Variants in APBB2 observed in about 807,000 individuals in gnomAD.
APBB2 encodes the protein amyloid beta precursor protein binding family B member 2.
A neutral mutation model predicts 82.5 loss-of-function variants in APBB2; 38 were observed. That is an observed-to-expected ratio of 0.46 (90% CI 0.36 to 0.60). The LOEUF (loss-of-function observed/expected upper bound fraction) is 0.60. APBB2 is among the 20% of genes least tolerant of loss of function. The pLI is 0.00. For synonymous variants in APBB2, 341 were observed against 368.2 expected (o/e 0.93, Z 0.85); for missense variants, 772 against 972.3 (o/e 0.79, Z 2.74).
At chr4:40,967,752 G>A (rs1228828104) in intron 6 of APBB2, among the ~76,000 whole-genome samples, 4 of 152,196 alleles carry the variant, frequency 2.6e-5, no homozygotes, top group Non-Finnish European at 1.5e-5. Context: ...TGGGTGGAAT[G>A]AGCCCAGCAG....
At chr4:41,054,678 G>GT (rs980721179) in intron 4 of APBB2, among the ~76,000 whole-genome samples, 1 of 151,978 alleles carries the variant, frequency 6.6e-6, no homozygotes, top group Admixed American at 6.5e-5. Context: ...ATATACCTTG[G>GT]TTCTTCTCTC....
chr4:40,897,821 TC>T (rs1774124256), intron 10 of APBB2, among the ~76,000 whole-genome samples: 2 of 152,086 alleles, frequency 1.3e-5, no homozygotes, highest in Non-Finnish European at 2.9e-5. Flanking sequence ...ACCACCACTT[TC>T]CCTTAAACCC....
At chr4:41,063,515 G>A (rs1271086474) in intron 4 of APBB2, among the ~76,000 whole-genome samples, 1 of 152,148 alleles carries the variant, frequency 6.6e-6, no homozygotes, top group Non-Finnish European at 1.5e-5. Flanking sequence ...GTGAAGAGCT[G>A]TTTACCCCAA....
At chr4:40,969,639 A>G (rs564672042) in intron 6 of APBB2, among the ~76,000 whole-genome samples, 1 of 152,350 alleles carries the variant, frequency 6.6e-6, no homozygotes, top group African/African-American at 2.4e-5. Context: ...ATCAGTGATT[A>G]AAAACCCAGT....
intron 2 of APBB2, among the ~76,000 whole-genome samples, chr4:41,122,941 C>T (rs1753294463): frequency 6.6e-6 from 1 of 152,194 alleles, no homozygotes; most frequent in South Asian, 2.1e-4. Flanking sequence ...ATTCTTCAAA[C>T]ACGCCGCACT....
intron 6 of APBB2, among the ~76,000 whole-genome samples, chr4:40,986,762 C>T (rs1311760141): frequency 3.9e-5 from 6 of 152,168 alleles, no homozygotes; most frequent in Non-Finnish European, 8.8e-5. Flanking sequence ...ACACAGCCCT[C>T]GTGAAAGCAC....
chr4:40,946,086 G>C (rs1788303130), intron 6 of APBB2, among the ~76,000 whole-genome samples: 1 of 152,138 alleles, frequency 6.6e-6, no homozygotes, highest in Non-Finnish European at 1.5e-5. Flanking sequence ...TGCAAAATTA[G>C]CTGGGCATGG....
intron 6 of APBB2, among the ~76,000 whole-genome samples, chr4:40,998,547 T>C (rs1012052161): frequency 3.3e-5 from 5 of 152,214 alleles, no homozygotes; most frequent in Admixed American, 6.5e-5. Context: ...TTTTAACCTA[T>C]GTATCTGTAT....
At chr4:40,980,463 C>T (rs866887403) in intron 6 of APBB2, among the ~76,000 whole-genome samples, 1 of 152,146 alleles carries the variant, frequency 6.6e-6, no homozygotes, top group Non-Finnish European at 1.5e-5. Context: ...AGTAGCCAAC[C>T]CACTATGGGC....
rs1193526600 is a variant in APBB2, at chr4:41,065,621, T to C, written c.-96A>G. 1 of 151,696 alleles carries C rather than the reference T, an allele frequency of 6.6e-6. No individual in the cohort carries two copies. The highest frequency in any genetic ancestry group is 1.5e-5 in the Non-Finnish European group (1 of 67,978). 9.4% of individuals were successfully genotyped at this position (151,696 alleles called of 1,614,324 possible). A position where few individuals can be genotyped will look rare whatever the true frequency, so the allele number is the denominator to read the frequency against. On this transcript the variant is annotated 5_prime_UTR_variant, in exon 4 of 18. It removes an upstream start codon present in the reference 5' UTR. Coordinates refer to ENST00000508593, the MANE Select transcript of APBB2 (RefSeq NM_004307.2). ...TGAGCCCATAGCGACAGTCAACACA[T>C]TGGCAGAGGCCTCGGCAGTTCCCAA...
chr4:40,820,614 G>GA (rs1165886123), intron 17 of APBB2, among the ~76,000 whole-genome samples: 1 of 152,018 alleles, frequency 6.6e-6, no homozygotes, highest in Admixed American at 6.6e-5. Context: ...GCAGTGAGCT[G>GA]AGATCGCGCC....
Position 41,089,113 on chromosome 4 carries a change from T to C in APBB2, c.-149+11526A>G, listed in dbSNP as rs115990618. 8.4e-3 allele frequency among the ~76,000 whole-genome samples: 1,275 copies of C among 152,276 alleles called. 14 individuals are homozygous for C. Among genetic ancestry groups the C allele is most frequent in the African/African-American group, 0.028 (1,149 of 41,542 alleles). Reference sequence around the variant, plus strand: ...CAGGTTAAACACAGATTTCTGGACATTGACAACCGAGGCTGATATCCAGTG... The same window carrying C: ...CAGGTTAAACACAGATTTCTGGACACTGACAACCGAGGCTGATATCCAGTG... On this transcript the variant is annotated intron_variant, in intron 3 of 17. Transcript: ENST00000508593.
At chr4:41,102,309 C>T (rs905553739) in intron 2 of APBB2, among the ~76,000 whole-genome samples, 1 of 152,198 alleles carries the variant, frequency 6.6e-6, no homozygotes, top group Admixed American at 6.5e-5. Flanking sequence ...TTACTGCCAA[C>T]ATTTATATAC....
chr4:40,925,989 A>G (rs551453303), intron 10 of APBB2, among the ~76,000 whole-genome samples: 2 of 152,344 alleles, frequency 1.3e-5, no homozygotes, highest in African/African-American at 4.8e-5. Context: ...GAGGTAAGTT[A>G]TAACAAAAGA....
chr4:41,102,417 G>A (rs1745778779), intron 2 of APBB2, among the ~76,000 whole-genome samples: 1 of 152,104 alleles, frequency 6.6e-6, no homozygotes, highest in African/African-American at 2.4e-5. Flanking sequence ...TATCCCCTGG[G>A]CATCACTGTA....
chr4:40,951,724 G>A lies in APBB2; in HGVS notation c.836-6651C>T, dbSNP rs540737672. ...GAATAAAGGTTGGCATGCAGCAGCCGTGTTCACTGCATGGATGGTCACTGT... is the reference window on the plus strand; with the variant it reads ...GAATAAAGGTTGGCATGCAGCAGCCATGTTCACTGCATGGATGGTCACTGT... On this transcript the variant is annotated intron_variant, in intron 6 of 17. Transcript: ENST00000508593. 5.9e-5 allele frequency among the ~76,000 whole-genome samples: 9 copies of A among 152,342 alleles called. No homozygotes were observed. In the South Asian group the frequency reaches 6.2e-4, roughly 11 times the overall value.
At chr4:41,206,040 CCA>C (rs1474755224) in intron 1 of APBB2, among the ~76,000 whole-genome samples, 2 of 152,154 alleles carry the variant, frequency 1.3e-5, no homozygotes. Flanking sequence ...AGTTATCCCT[CCA>C]CAGTCACCAT....
chr4:40,849,912 C>T (rs1017462802), intron 12 of APBB2, among the ~76,000 whole-genome samples: 97 of 151,850 alleles, frequency 6.4e-4, no homozygotes, highest in African/African-American at 2.2e-3. Flanking sequence ...TTAGTAGAGA[C>T]GGGGTTTCAC....
chr4:40,961,914 A>G (rs1380939700), intron 6 of APBB2, among the ~76,000 whole-genome samples: 2 of 152,216 alleles, frequency 1.3e-5, no homozygotes, highest in African/African-American at 4.8e-5. Context: ...TTCAAGAAAT[A>G]CCTGCAGGAT....
Sources: gnomAD v4.1 joint callset for allele counts (sites outside exome capture counted in the v4.1 genomes callset) on GRCh38, gnomAD v4.1.1 for gene constraint, MANE v1.5 for transcripts, NCBI Gene and HGNC (gene_info 2026-07-23, HGNC 2026-07-21) for gene names.